The following GABRB1 variants were observed in gnomAD, a reference collection of about 807,000 sequenced individuals.
GABRB1 encodes the protein gamma-aminobutyric acid receptor subunit beta-1.
GABRB1 carries 17 observed loss-of-function variants against 51.6 expected under a neutral mutation model. The observed-to-expected ratio is 0.33, with a 90% CI of 0.23 to 0.49. The LOEUF (loss-of-function observed/expected upper bound fraction) is 0.49, where lower values mean the gene tolerates loss of function less well. GABRB1 is among the 20% of genes least tolerant of loss of function. The probability of loss-of-function intolerance (pLI) is 0.99; values close to 1 mark genes in which losing one functional copy is unlikely to be tolerated. For synonymous variants in GABRB1, 247 were observed against 218.9 expected, an observed-to-expected ratio of 1.13 and a Z score of -1.14; for missense variants, 410 against 600.6, an observed-to-expected ratio of 0.68 and a Z score of 3.32.
At chr4:47,052,216 G>C (rs1019511112) in intron 3 of GABRB1, among the ~76,000 whole-genome samples, 5 of 152,282 alleles carry the variant, frequency 3.3e-5, no homozygotes, top group Middle Eastern at 3.4e-3. Flanking sequence ...GAAGAAACTT[G>C]AGTTCCCCTT....
rs573073458 is a variant in GABRB1, at chr4:47,012,514, C to T, written c.-20+18588C>T. On this transcript the variant is annotated intron_variant, in intron 1 of 3. Coordinates refer to the GABRB1 transcript ENST00000513567. ...GTCTCCAGCTCCATCCATTTCCCTA[C>T]AAAGGCTTTTTATATTAATTTGTAT... 2.1e-4 allele frequency among the ~76,000 whole-genome samples: 32 copies of T among 152,302 alleles called. No homozygotes were observed. The South Asian group carries it at 6.2e-3, about 30-fold the overall frequency.
chr4:47,347,210 AGGTAGAGATTG>A (rs761121661), intron 5 of GABRB1, among the ~76,000 whole-genome samples: 10 of 152,042 alleles, frequency 6.6e-5, no homozygotes, highest in Non-Finnish European at 1.0e-4. Flanking sequence ...CCAACCCAGG[AGGTAGAGATTG>A]CAATGAGTCG....
Position 46,998,600 on chromosome 4 carries a change from G to A in GABRB1, c.-20+4674G>A, listed in dbSNP as rs184476857. 4.9e-3 allele frequency among the ~76,000 whole-genome samples: 746 copies of A among 152,026 alleles called. 5 individuals carry two copies. The highest frequency in any genetic ancestry group is 0.016 in the African/African-American group (672 of 41,482). ...TACAAAAAAATTAGCCAGGCGTGGT[G>A]GCAGGAGCCTGTAGTCCCAGCTACT... On this transcript the variant is annotated intron_variant, in intron 1 of 3. Coordinates refer to the GABRB1 transcript ENST00000513567.
intron 5 of GABRB1, among the ~76,000 whole-genome samples, chr4:47,347,405 T>G (rs146168001): frequency 3.3e-5 from 5 of 152,206 alleles, no homozygotes; most frequent in Admixed American, 6.5e-5. Context: ...GAAGAGCAAA[T>G]ATAAAAACAC....
upstream of GABRB1, chr4:47,031,286 C>G: frequency 7.4e-6 from 2 of 269,476 alleles, no homozygotes; most frequent in South Asian, 8.7e-5. Flanking sequence ...GCAGCCTTAG[C>G]CAGATCACTG....
chr4:47,260,312 T>C lies in GABRB1; in HGVS notation c.462-59815T>C, dbSNP rs11939365. 9.8e-3 allele frequency among the ~76,000 whole-genome samples: 1,488 copies of C among 152,260 alleles called. 19 individuals are homozygous for C. The highest frequency in any genetic ancestry group is 0.034 in the African/African-American group (1,413 of 41,534). On this transcript the variant is annotated intron_variant, in intron 4 of 8. Coordinates refer to ENST00000295454, the MANE Select transcript of GABRB1 (RefSeq NM_000812.4). ...CAGTCTGTGTCTTTTAATTGGAGCA[T>C]TTAGTCCATTTACATTTAAAGTTAA... is the stretch of plus-strand genomic sequence containing the variant.
chr4:47,338,379 C>T (rs1239325943), intron 5 of GABRB1, among the ~76,000 whole-genome samples: 3 of 152,178 alleles, frequency 2.0e-5, no homozygotes, highest in African/African-American at 7.2e-5. Flanking sequence ...AGCTTACATT[C>T]CCAAAGTAGC....
At chr4:47,097,469 C>A (rs1331374232) in intron 3 of GABRB1, among the ~76,000 whole-genome samples, 2 of 151,444 alleles carry the variant, frequency 1.3e-5, no homozygotes, top group Non-Finnish European at 2.9e-5. Context: ...CCCCCCATTC[C>A]CGTCCTCAGT....
chr4:47,034,466 C>A (rs1725466287), intron 3 of GABRB1, among the ~76,000 whole-genome samples: 1 of 152,238 alleles, frequency 6.6e-6, no homozygotes, highest in South Asian at 2.1e-4. Context: ...TGTGTATGCA[C>A]TTGATTTTTC....
chr4:47,150,646 T>TTC (rs144623516), intron 3 of GABRB1, among the ~76,000 whole-genome samples: 1 of 149,032 alleles, frequency 6.7e-6, no homozygotes, highest in Non-Finnish European at 1.5e-5. Context: ...GCCACATATA[T>TTC]ATACACACAC....
At chr4:47,365,410 C>G (rs1192170542) in intron 5 of GABRB1, among the ~76,000 whole-genome samples, 1 of 152,098 alleles carries the variant, frequency 6.6e-6, no homozygotes, top group Admixed American at 6.5e-5. Context: ...TTTAATTCAC[C>G]CTTTTTCAGG....
intron 1 of GABRB1, among the ~76,000 whole-genome samples, chr4:46,994,849 A>T (rs558225869): frequency 6.6e-6 from 1 of 152,298 alleles, no homozygotes; most frequent in East Asian, 1.9e-4. Context: ...TCAAATTGAG[A>T]TGACTAGTGG....
chr4:47,010,501 T>A (rs1041231245), intron 1 of GABRB1, among the ~76,000 whole-genome samples: 3 of 152,268 alleles, frequency 2.0e-5, no homozygotes, highest in Admixed American at 6.5e-5. Flanking sequence ...TAACAATGAT[T>A]GTGTTGCACA....
At position 46,994,564 on chromosome 4, in the gene GABRB1, A is replaced by T. The variant is rs548049043; in HGVS notation, c.-20+638A>T. 5.3e-5 allele frequency among the ~76,000 whole-genome samples: 8 copies of T among 151,970 alleles called. No homozygotes were observed. The South Asian group carries it at 1.5e-3, about 28-fold the overall frequency. On this transcript the variant is annotated intron_variant, in intron 1 of 3. Transcript: ENST00000513567. ...AGAAGGTGGGGTATGGAGAGAAAGG[A>T]TACATAAATTAAAATGGAGGGGGAC...
chr4:47,280,930 G>A (rs1236830385), intron 4 of GABRB1, among the ~76,000 whole-genome samples: 1 of 151,470 alleles, frequency 6.6e-6, no homozygotes, highest in Non-Finnish European at 1.5e-5. Flanking sequence ...CTGGATTACA[G>A]GCATGAGCCA....
At chr4:47,256,249 ATG>A (rs1400140003) in intron 4 of GABRB1, among the ~76,000 whole-genome samples, 18 of 152,386 alleles carry the variant, frequency 1.2e-4, no homozygotes, top group African/African-American at 4.1e-4. Flanking sequence ...AATAAACTAT[ATG>A]AACTAGAATG....
Position 47,251,487 on chromosome 4 carries a change from G to A in GABRB1, c.462-68640G>A, listed in dbSNP as rs566225720. ...GGGGTATTATGGAGAGGAACTGGAGGTGGGTGGGGCCCTAGAACTGCCAAG... is the reference window on the plus strand; with the variant it reads ...GGGGTATTATGGAGAGGAACTGGAGATGGGTGGGGCCCTAGAACTGCCAAG... On this transcript the variant is annotated intron_variant, in intron 4 of 8. Coordinates refer to ENST00000295454, the MANE Select transcript of GABRB1 (RefSeq NM_000812.4). Among the ~76,000 whole-genome samples, 4 of 152,266 alleles carry A rather than the reference G, an allele frequency of 2.6e-5. No homozygotes were observed. The South Asian group carries it at 8.3e-4, about 32-fold the overall frequency.
Position 47,008,629 on chromosome 4 carries a change from A to ATT in GABRB1, c.-20+14723_-20+14724dup, listed in dbSNP as rs71193894. 2.9e-4 allele frequency among the ~76,000 whole-genome samples: 34 copies of ATT among 117,486 alleles called. 1 individual carries two copies. The highest frequency in any genetic ancestry group is 7.5e-4 in the African/African-American group (23 of 30,664). 77.1% of individuals were successfully genotyped at this position (117,486 alleles called of 152,430 possible). A position where few individuals can be genotyped will look rare whatever the true frequency, so the allele number is the denominator to read the frequency against. On this transcript the variant is annotated intron_variant, in intron 1 of 3. Coordinates refer to the GABRB1 transcript ENST00000513567. ...AGGCTCCCGCCACCACACCCAGCTAATTTTTTTTTTTTTTTTTTTTTGTAT... is the reference window on the plus strand; with the variant it reads ...AGGCTCCCGCCACCACACCCAGCTAATTTTTTTTTTTTTTTTTTTTTTTGTAT...
At chr4:47,144,348 CTG>C (rs1191999670) in intron 3 of GABRB1, among the ~76,000 whole-genome samples, 1 of 151,956 alleles carries the variant, frequency 6.6e-6, no homozygotes, top group South Asian at 2.1e-4. Flanking sequence ...GTCAGCAAAG[CTG>C]TGCTCCCTCT....
Sources: allele counts gnomAD v4.1 joint callset (sites outside exome capture counted in the v4.1 genomes callset), GRCh38; gene constraint gnomAD v4.1.1; transcripts MANE v1.5; gene names NCBI Gene and HGNC (gene_info 2026-07-23, HGNC 2026-07-21).